RALGPS1: variants seen among roughly 807,000 people sequenced by gnomAD.
The protein encoded by RALGPS1 is ras-specific guanine nucleotide-releasing factor RalGPS1.
In RALGPS1, 19 loss-of-function variants were observed where a neutral mutation model predicts 78.8. The observed-to-expected ratio is 0.24, with a 90% CI of 0.17 to 0.35. The LOEUF (loss-of-function observed/expected upper bound fraction) is 0.35, where lower values mean the gene tolerates loss of function less well. Among genes scored for constraint, RALGPS1 ranks in the 10% least tolerant of loss-of-function variants. The probability of loss-of-function intolerance (pLI) is 1.00; values close to 1 mark genes in which losing one functional copy is unlikely to be tolerated. For synonymous variants in RALGPS1, 228 were observed against 256.3 expected, an observed-to-expected ratio of 0.89 and a Z score of 1.06; for missense variants, 454 against 688.3, an observed-to-expected ratio of 0.66 and a Z score of 3.81.
chr9:126,950,535 G>A (rs1188709268), intron 1 of RALGPS1, among the ~76,000 whole-genome samples: 1 of 152,044 alleles, frequency 6.6e-6, no homozygotes, highest in Non-Finnish European at 1.5e-5. Flanking sequence ...TCAACTACAT[G>A]GAAACTGAAC....
chr9:126,988,331 TG>T (rs1470037202), intron 4 of RALGPS1, among the ~76,000 whole-genome samples: 1 of 152,102 alleles, frequency 6.6e-6, no homozygotes, highest in Non-Finnish European at 1.5e-5. Context: ...CAGTGAGGCT[TG>T]GAAGGGAGGC....
At chr9:126,985,818 G>T (rs1651023059) in intron 4 of RALGPS1, among the ~76,000 whole-genome samples, 1 of 152,214 alleles carries the variant, frequency 6.6e-6, no homozygotes, top group South Asian at 2.1e-4. Flanking sequence ...TGCATACTGA[G>T]ATACCCTGTT....
intron 4 of RALGPS1, among the ~76,000 whole-genome samples, chr9:126,992,627 T>C (rs1448369888): frequency 1.3e-5 from 2 of 152,232 alleles, no homozygotes; most frequent in Non-Finnish European, 2.9e-5. Flanking sequence ...TTTAATGATA[T>C]TGCATCACCT....
chr9:126,916,457 C>A (rs975861464), intron 1 of RALGPS1, among the ~76,000 whole-genome samples: 2 of 152,270 alleles, frequency 1.3e-5, no homozygotes, highest in African/African-American at 4.8e-5. Context: ...GTCCCTCTGC[C>A]CCCATCCAAG....
At chr9:127,128,908 A>G (rs548766975) in intron 8 of RALGPS1, among the ~76,000 whole-genome samples, 15 of 152,226 alleles carry the variant, frequency 9.9e-5, no homozygotes, top group Non-Finnish European at 2.2e-4. Context: ...TCCAAAAGTC[A>G]TAACAGGATG....
intron 1 of RALGPS1, among the ~76,000 whole-genome samples, chr9:126,933,994 T>A (rs536509274): frequency 6.6e-6 from 1 of 152,204 alleles, no homozygotes; most frequent in South Asian, 2.1e-4. Context: ...ACAGTGTCAG[T>A]TTTTCTCTGG....
intron 8 of RALGPS1, among the ~76,000 whole-genome samples, chr9:127,105,889 C>A (rs1368021596): frequency 6.6e-6 from 1 of 152,208 alleles, no homozygotes; most frequent in Non-Finnish European, 1.5e-5. Context: ...AGGGGCTCAG[C>A]AAATGTTGGC....
At chr9:127,165,258 G>A (rs1724423141) in intron 8 of RALGPS1, among the ~76,000 whole-genome samples, 1 of 152,250 alleles carries the variant, frequency 6.6e-6, no homozygotes, top group Non-Finnish European at 1.5e-5. Context: ...CTTGGCCCAT[G>A]CACATCTCCA....
At chr9:126,921,541 C>T (rs1188747145) in intron 1 of RALGPS1, among the ~76,000 whole-genome samples, 2 of 152,226 alleles carry the variant, frequency 1.3e-5, no homozygotes, top group East Asian at 3.8e-4. Flanking sequence ...CTTGGTTTTT[C>T]TGTAGAGCTT....
intron 4 of RALGPS1, among the ~76,000 whole-genome samples, chr9:126,994,121 A>G (rs1182694973): frequency 2.6e-5 from 4 of 152,170 alleles, no homozygotes; most frequent in Non-Finnish European, 5.9e-5. Flanking sequence ...AAATCAGAGC[A>G]CCTCTCCTTC....
At chr9:126,981,696 A>G (rs2041259463) in intron 4 of RALGPS1, among the ~76,000 whole-genome samples, 1 of 152,188 alleles carries the variant, frequency 6.6e-6, no homozygotes, top group South Asian at 2.1e-4. Flanking sequence ...TTTGTTTTAT[A>G]TATGAGGAAG....
At chr9:127,204,279 G>C (rs1490112648) in intron 14 of RALGPS1, among the ~76,000 whole-genome samples, 2 of 152,032 alleles carry the variant, frequency 1.3e-5, no homozygotes, top group Non-Finnish European at 2.9e-5. Context: ...TGATCCTGCT[G>C]TCTCTGCCTC....
At chr9:127,036,161 A>AT (rs1589138538) in intron 5 of RALGPS1, among the ~76,000 whole-genome samples, 1 of 152,016 alleles carries the variant, frequency 6.6e-6, no homozygotes, top group African/African-American at 2.4e-5. Flanking sequence ...GCAAAGTCAC[A>AT]TTTTTTTTCA....
intron 7 of RALGPS1, among the ~76,000 whole-genome samples, chr9:127,057,741 C>T (rs2048861949): frequency 6.6e-6 from 1 of 152,198 alleles, no homozygotes; most frequent in Non-Finnish European, 1.5e-5. Flanking sequence ...ATTCATTCTG[C>T]AAATCAAACA....
intron 2 of RALGPS1, among the ~76,000 whole-genome samples, chr9:126,962,874 A>G (rs914679289): frequency 6.6e-6 from 1 of 152,218 alleles, no homozygotes; most frequent in Admixed American, 6.5e-5. Flanking sequence ...TTGAGGCCCA[A>G]GATGCCACCA....
chr9:127,216,527 T>A (rs571590910), intron 18 of RALGPS1, among the ~76,000 whole-genome samples: 1 of 152,338 alleles, frequency 6.6e-6, no homozygotes, highest in South Asian at 2.1e-4. Flanking sequence ...TGATAGTTAT[T>A]AGAAAGAGGC....
At chr9:126,990,052 G>A in intron 4 of RALGPS1, 1 of 1,542,076 alleles carries the variant, frequency 6.5e-7, no homozygotes, top group Non-Finnish European at 8.7e-7. Flanking sequence ...GAAGAAGCGG[G>A]CGTTCCAGAA....
chr9:127,198,226 C>T (rs1424694925), intron 13 of RALGPS1, among the ~76,000 whole-genome samples: 1 of 152,198 alleles, frequency 6.6e-6, no homozygotes, highest in Non-Finnish European at 1.5e-5. Context: ...GTCCTCCCCT[C>T]TGTGATGAGG....
chr9:127,211,654 G>A lies in RALGPS1; in HGVS notation c.1248-477G>A, dbSNP rs540698641. Among the ~76,000 whole-genome samples the A allele has an allele frequency of 7.5e-4, 114 of 152,188 alleles. 1 individual carries two copies. The highest frequency in any genetic ancestry group is 7.4e-5 in the Non-Finnish European group (5 of 67,968). On this transcript the variant is annotated intron_variant, in intron 14 of 18. Transcript: ENST00000259351. This position sits in a 1 kb window ranked among gnomAD's most constrained non-coding sequence, Gnocchi z 5.0. ...GTGAAGAGCCCGGGAAAGATGTGGG[G>A]AATGGTGCGTGTGGGCTCGCGTCCC... is the stretch of plus-strand genomic sequence containing the variant.
Sources: gnomAD v4.1 joint callset for allele counts (sites outside exome capture counted in the v4.1 genomes callset) on GRCh38, gnomAD v4.1.1 for gene constraint, Gnocchi (gnomAD v3.1) non-coding constraint, MANE v1.5 for transcripts, NCBI Gene and HGNC (gene_info 2026-07-23, HGNC 2026-07-21) for gene names.